Variants in DDX31 observed in about 807,000 individuals in gnomAD.
The protein encoded by DDX31 is DEAD-box helicase 31, also known as ATP-dependent DNA helicase DDX31.
In DDX31, 70 loss-of-function variants were observed where a neutral mutation model predicts 91.3. The observed-to-expected ratio is 0.77, with a 90% confidence interval of 0.63 to 0.94. The LOEUF (loss-of-function observed/expected upper bound fraction) is 0.94, where lower values mean the gene tolerates loss of function less well. DDX31 is among the 40% of genes least tolerant of loss of function. The pLI, the probability that DDX31 is intolerant of heterozygous loss-of-function variation, is 0.00. For synonymous variants in DDX31, 362 were observed against 350.6 expected, an observed-to-expected ratio of 1.03 and a Z score of -0.36; for missense variants, 902 against 925.0, an observed-to-expected ratio of 0.98 and a Z score of 0.32.
chr9:132,659,715 C>A lies in DDX31; in HGVS notation c.518G>T (p.Gly173Val), dbSNP rs1431998134. The change falls in exon 5 of 20, where the codon GGC becomes GTC. Residue 173 changes from glycine (G) to valine (V), a missense_variant. Gly to Val is a moderately radical substitution (Grantham distance 109, BLOSUM62 -3). Transcript: ENST00000372159. The part of the protein sequence containing the change: ...GRDALVRSQT[G>V]SGKTLAYCIP... ...AGAGATGAAATGAGACTAACCTGAG[C>A]CCGTCTGGGATCTCACGAGAGCATC... The A allele has an allele frequency of 8.1e-6, 13 of 1,609,678 alleles. No individual in the cohort carries two copies. Among genetic ancestry groups the A allele is most frequent in the Non-Finnish European group, 1.1e-5 (13 of 1,177,684 alleles).
intron 13 of DDX31, among the ~76,000 whole-genome samples, chr9:132,644,906 T>C (rs1164963771): frequency 2.0e-5 from 3 of 152,224 alleles, no homozygotes; most frequent in South Asian, 2.1e-4. Flanking sequence ...ACCGGTGTCC[T>C]TGAGTGACCT....
At position 132,665,881 on chromosome 9, in the gene DDX31, T is replaced by C. The variant is rs190364013; in HGVS notation, c.76-3186A>G. ...GGAGGCAGAGATGTGACGTAATTTGTCCCAGAATCACTGAAGGAACCAGGC... is the reference window on the plus strand; with the variant it reads ...GGAGGCAGAGATGTGACGTAATTTGCCCCAGAATCACTGAAGGAACCAGGC... On this transcript the variant is annotated intron_variant, in intron 1 of 19. Transcript: ENST00000372159. Among the ~76,000 whole-genome samples, 657 of 152,322 alleles carry C rather than the reference T, an allele frequency of 4.3e-3. 3 individuals carry two copies. The highest frequency in any genetic ancestry group is 7.0e-3 in the Non-Finnish European group (477 of 68,018).
In DDX31 at chr9:132,660,031, A is replaced by T. The variant is rs375025256; in HGVS notation, c.453-251T>A. ...AGAGACTGGCCATTCTATTAAACTAATTCTTTTAAAAATGGGACAGGCAGC... is the reference window on the plus strand; with the variant it reads ...AGAGACTGGCCATTCTATTAAACTATTTCTTTTAAAAATGGGACAGGCAGC... On this transcript the variant is annotated intron_variant, in intron 4 of 19. Coordinates refer to ENST00000372159, the MANE Select transcript of DDX31 (RefSeq NM_022779.9). Among the ~76,000 whole-genome samples, 12 of 152,288 alleles carry T rather than the reference A, an allele frequency of 7.9e-5. No homozygotes were observed. In the East Asian group the frequency reaches 2.1e-3, roughly 27 times the overall value.
At chr9:132,607,642 T>TACTGTCACA (rs1247014039) in intron 19 of DDX31, among the ~76,000 whole-genome samples, 1 of 152,258 alleles carries the variant, frequency 6.6e-6, no homozygotes, top group Non-Finnish European at 1.5e-5. Context: ...TGCTCTTTCG[T>TACTGTCACA]ACTGTCACAG....
At chr9:132,638,652 A>T (rs2130721162) in intron 14 of DDX31, among the ~76,000 whole-genome samples, 1 of 152,346 alleles carries the variant, frequency 6.6e-6, no homozygotes, top group Non-Finnish European at 1.5e-5. Flanking sequence ...TTCATTGAAC[A>T]GCCACATTAC....
chr9:132,664,734 A>AC (rs1023686773), intron 1 of DDX31, among the ~76,000 whole-genome samples: 2 of 151,268 alleles, frequency 1.3e-5, no homozygotes, highest in Non-Finnish European at 3.0e-5. Context: ...AAAAAAAAAA[A>AC]AAACTGTAAT....
At chr9:132,636,427 G>A (rs562762654) in intron 14 of DDX31, among the ~76,000 whole-genome samples, 1 of 152,200 alleles carries the variant, frequency 6.6e-6, no homozygotes, top group Non-Finnish European at 1.5e-5. Flanking sequence ...ACGTAGGCAC[G>A]GGCTGCTTGA....
At chr9:132,632,232 C>T (rs2130669847) in intron 14 of DDX31, 141 bp from the exon 15 acceptor site, 1 of 193,628 alleles carries the variant, frequency 5.2e-6, no homozygotes, top group Non-Finnish European at 1.1e-5. Flanking sequence ...CGTATATGCC[C>T]AGTACGTGTA....
chr9:132,657,698 T>G (rs1194546212), intron 6 of DDX31, among the ~76,000 whole-genome samples: 2 of 152,174 alleles, frequency 1.3e-5, no homozygotes, highest in Non-Finnish European at 2.9e-5. Flanking sequence ...GTCACCTCAC[T>G]TTCTATTTCT....
chr9:132,626,139 A>G (rs78926352), intron 16 of DDX31, among the ~76,000 whole-genome samples: 3 of 72,514 alleles, frequency 4.1e-5, no homozygotes, highest in East Asian at 2.9e-4. Context: ...ACTGAAGAGG[A>G]AAAAAAAAAA....
At chr9:132,631,428 C>A (rs916808932) in intron 15 of DDX31, among the ~76,000 whole-genome samples, 1 of 152,174 alleles carries the variant, frequency 6.6e-6, no homozygotes, top group African/African-American at 2.4e-5. Context: ...GACATCCTGG[C>A]CAGTGACAGG....
Position 132,602,409 on chromosome 9 carries a change from C to G in DDX31, c.1995-7297G>C, listed in dbSNP as rs115278366. 3.8e-3 allele frequency among the ~76,000 whole-genome samples: 575 copies of G among 152,246 alleles called. 1 individual carries two copies. Among genetic ancestry groups the G allele is most frequent in the Middle Eastern group, 0.027 (8 of 294 alleles). On this transcript the variant is annotated intron_variant, in intron 19 of 19. Transcript: ENST00000372159. Reference sequence around the variant, plus strand: ...GGGCAGACAGCTGTTTATCAAACACCCACTCTGAGATCAGCACTGAGCTAA... The same window carrying G: ...GGGCAGACAGCTGTTTATCAAACACGCACTCTGAGATCAGCACTGAGCTAA...
intron 19 of DDX31, among the ~76,000 whole-genome samples, chr9:132,608,472 C>T (rs1042601598): frequency 2.0e-5 from 3 of 152,172 alleles, no homozygotes; most frequent in African/African-American, 7.2e-5. Context: ...GGGTCCCTCT[C>T]CCATCGCATG....
chr9:132,612,833 C>T (rs1831422533), intron 18 of DDX31, among the ~76,000 whole-genome samples: 1 of 152,216 alleles, frequency 6.6e-6, no homozygotes, highest in South Asian at 2.1e-4. Flanking sequence ...ATGCCCCCTT[C>T]ACCACAAGCC....
At chr9:132,659,293 ACTGGCCTGGAACACGGCAGAAACAGTGTT>A (rs1198586995) in intron 5 of DDX31, among the ~76,000 whole-genome samples, 2 of 152,204 alleles carry the variant, frequency 1.3e-5, no homozygotes, top group African/African-American at 4.8e-5. Context: ...GCAAGTCCAG[ACTGGCCTGGAACACGGCAGAAACAGTGTT>A]CTGTCCTCGA....
intron 19 of DDX31, among the ~76,000 whole-genome samples, chr9:132,601,649 C>T (rs2119204145): frequency 6.6e-6 from 1 of 152,320 alleles, no homozygotes; most frequent in African/African-American, 2.4e-5. Context: ...TTTCACGAAC[C>T]AGACTTTGAA....
chr9:132,597,279 T>C (rs927258499), intron 19 of DDX31, among the ~76,000 whole-genome samples: 1 of 152,170 alleles, frequency 6.6e-6, no homozygotes, highest in African/African-American at 2.4e-5. Context: ...TGCTGGGGGC[T>C]GACCTGTGGT....
chr9:132,630,442 A>T (rs777522339), intron 15 of DDX31, 39 bp from the exon 16 acceptor site: 1 of 1,549,184 alleles, frequency 6.5e-7, no homozygotes, highest in Non-Finnish European at 8.8e-7. Flanking sequence ...TCATAGATCA[A>T]GGGACTGCCA....
At chr9:132,627,944 T>C (rs1832497123) in intron 16 of DDX31, among the ~76,000 whole-genome samples, 1 of 152,066 alleles carries the variant, frequency 6.6e-6, no homozygotes, top group South Asian at 2.1e-4. Flanking sequence ...TATTTAGGAG[T>C]CGACCTTTTG....
Sources: allele counts gnomAD v4.1 joint callset (sites outside exome capture counted in the v4.1 genomes callset), GRCh38; gene constraint gnomAD v4.1.1; transcripts MANE v1.5; gene names NCBI Gene and HGNC (gene_info 2026-07-23, HGNC 2026-07-21).